Variants in SLC4A10 observed in about 807,000 individuals in gnomAD.
SLC4A10 encodes the protein sodium-driven chloride bicarbonate exchanger.
Under a neutral mutation model 137.7 loss-of-function variants are expected in SLC4A10, and 42 were observed. The observed-to-expected ratio is 0.30, with a 90% CI of 0.24 to 0.39. The LOEUF (loss-of-function observed/expected upper bound fraction) is 0.39. SLC4A10 is among the 10% of genes least tolerant of loss of function. SLC4A10 has a pLI of 1.00. For missense variants in SLC4A10, 925 were observed against 1,355.0 expected (o/e 0.68, Z 4.98); for synonymous variants, 474 against 464.1 (o/e 1.02, Z -0.27).
At chr2:161,975,950 G>A (rs1236841567) in intron 24 of SLC4A10, among the ~76,000 whole-genome samples, 1 of 152,174 alleles carries the variant, frequency 6.6e-6, no homozygotes, top group African/African-American at 2.4e-5. Context: ...GCCATTATAA[G>A]GACTTGGCAT....
chr2:161,897,962 AGGCAAGTT>A (rs2063690423), intron 11 of SLC4A10, among the ~76,000 whole-genome samples: 1 of 152,134 alleles, frequency 6.6e-6, no homozygotes, highest in Non-Finnish European at 1.5e-5. Flanking sequence ...AATGTTTTTG[AGGCAAGTT>A]GAGTGATGGG....
intron 23 of SLC4A10, among the ~76,000 whole-genome samples, chr2:161,966,262 CAGAT>C (rs1697561041): frequency 6.6e-6 from 1 of 152,232 alleles, no homozygotes; most frequent in Non-Finnish European, 1.5e-5. Context: ...TGGATTCCCA[CAGAT>C]AGAGATTCAT....
chr2:161,662,884 C>T (rs978892842), intron 1 of SLC4A10, among the ~76,000 whole-genome samples: 7 of 152,160 alleles, frequency 4.6e-5, no homozygotes, highest in Non-Finnish European at 7.3e-5. Flanking sequence ...GATATTACTG[C>T]AAGAGTAACT....
At chr2:161,812,151 C>T (rs1050309155) in intron 3 of SLC4A10, among the ~76,000 whole-genome samples, 5 of 151,950 alleles carry the variant, frequency 3.3e-5, no homozygotes, top group Admixed American at 6.6e-5. Flanking sequence ...TGTTTATAGA[C>T]ATTTTTCTGT....
intron 11 of SLC4A10, among the ~76,000 whole-genome samples, chr2:161,898,271 T>C (rs2063726552): frequency 6.6e-6 from 1 of 152,122 alleles, no homozygotes; most frequent in Admixed American, 6.6e-5. Flanking sequence ...TAACTAAAGA[T>C]CAGAATTTTT....
chr2:161,710,679 T>A (rs1288364360), intron 1 of SLC4A10: 1 of 455,456 alleles, frequency 2.2e-6, no homozygotes, highest in Admixed American at 2.4e-5. Context: ...TGATTGGTCA[T>A]CTTCCTTACA....
intron 21 of SLC4A10, among the ~76,000 whole-genome samples, chr2:161,962,970 G>GA (rs1459851983): frequency 6.6e-6 from 1 of 152,002 alleles, no homozygotes; most frequent in Non-Finnish European, 1.5e-5. Flanking sequence ...ATTACTTTTT[G>GA]AAAATGCATA....
chr2:161,771,167 T>A, intron 2 of SLC4A10, 113 bp downstream of exon 2: 1 of 733,438 alleles, frequency 1.4e-6, no homozygotes, highest in Non-Finnish European at 2.3e-6. Flanking sequence ...AGAGTAATGG[T>A]AGCTTACTGG....
intron 15 of SLC4A10, among the ~76,000 whole-genome samples, chr2:161,938,636 AG>A (rs1692050333): frequency 1.3e-5 from 2 of 151,714 alleles, no homozygotes; most frequent in South Asian, 4.1e-4. Flanking sequence ...ATCATTGAGA[AG>A]GGCATGATAT....
At chr2:161,722,370 G>T (rs1158754658) in intron 1 of SLC4A10, among the ~76,000 whole-genome samples, 2 of 152,314 alleles carry the variant, frequency 1.3e-5, no homozygotes, top group South Asian at 2.1e-4. Context: ...TTTTTGTGGG[G>T]TTCTTTTCTG....
chr2:161,953,308 C>T, intron 19 of SLC4A10, among the ~76,000 whole-genome samples: 1 of 152,122 alleles, frequency 6.6e-6, no homozygotes, highest in East Asian at 1.9e-4. Context: ...ATTTCTCCTG[C>T]TGATAAAAAT....
rs181946587 is a variant in SLC4A10 at position 161,929,977 on chromosome 2, G to A, written c.1998-12815G>A. On this transcript the variant is annotated intron_variant, in intron 15 of 26. Transcript: ENST00000446997. ...TATTTGTTATCTAAGTATAATTTGG[G>A]ACACTATATAAATCTTTTAGTTTGT... is the stretch of plus-strand genomic sequence containing the variant. Among the ~76,000 whole-genome samples, 68 of 152,172 alleles carry A rather than the reference G, an allele frequency of 4.5e-4. 1 individual carries two copies. Among genetic ancestry groups the A allele is most frequent in the African/African-American group, 1.5e-3 (63 of 41,522 alleles).
At chr2:161,881,610 A>G (rs562219754) in intron 9 of SLC4A10, among the ~76,000 whole-genome samples, 2 of 152,176 alleles carry the variant, frequency 1.3e-5, no homozygotes, top group South Asian at 4.1e-4. Context: ...ATATGGCAGA[A>G]TATAGGGCAT....
At chr2:161,626,158 A>G (rs1230342447) in intron 1 of SLC4A10, among the ~76,000 whole-genome samples, 1 of 151,868 alleles carries the variant, frequency 6.6e-6, no homozygotes, top group Non-Finnish European at 1.5e-5. Flanking sequence ...GTTTAGGGAA[A>G]CCCCCAACCC....
chr2:161,890,198 T>C (rs1416515186), intron 10 of SLC4A10, among the ~76,000 whole-genome samples: 2 of 152,166 alleles, frequency 1.3e-5, no homozygotes, highest in African/African-American at 4.8e-5. Flanking sequence ...GAGGAGTGTT[T>C]TACTTCCAAT....
At chr2:161,954,837 C>T (rs1417886261) in intron 19 of SLC4A10, among the ~76,000 whole-genome samples, 3 of 152,026 alleles carry the variant, frequency 2.0e-5, no homozygotes, top group African/African-American at 7.2e-5. Flanking sequence ...ATTCAGAATC[C>T]CACTGTTTAC....
At chr2:161,908,014 A>G (rs1559510032) in intron 15 of SLC4A10, among the ~76,000 whole-genome samples, 1 of 152,202 alleles carries the variant, frequency 6.6e-6, no homozygotes, top group Admixed American at 6.5e-5. Context: ...CTTCAGACTG[A>G]GGAACATAGT....
chr2:161,849,016 A>AT (rs1034267791), intron 4 of SLC4A10, among the ~76,000 whole-genome samples: 1 of 151,744 alleles, frequency 6.6e-6, no homozygotes, highest in African/African-American at 2.4e-5. Context: ...TTTAATTTTG[A>AT]TTTTTTTCCT....
intron 1 of SLC4A10, among the ~76,000 whole-genome samples, chr2:161,628,910 T>A: frequency 6.6e-6 from 1 of 151,830 alleles, no homozygotes. Context: ...TGATGAAGAG[T>A]TAGAAAATAT....
Sources: allele counts gnomAD v4.1 joint callset (sites outside exome capture counted in the v4.1 genomes callset), GRCh38; gene constraint gnomAD v4.1.1; transcripts MANE v1.5; gene names NCBI Gene and HGNC (gene_info 2026-07-23, HGNC 2026-07-21).